GALNTL6: variants seen among roughly 807,000 people sequenced by gnomAD.
GALNTL6 encodes the protein polypeptide N-acetylgalactosaminyltransferase like 6, also known as polypeptide N-acetylgalactosaminyltransferase-like 6.
A neutral mutation model predicts 73.7 loss-of-function variants in GALNTL6; 46 were observed. That is an observed-to-expected ratio of 0.62 (90% CI 0.49 to 0.80). GALNTL6 has a LOEUF of 0.80. Ranked by LOEUF, GALNTL6 falls within the 30% of genes least tolerant of loss-of-function variation. The pLI, the probability that GALNTL6 is intolerant of heterozygous loss-of-function variation, is 0.00. For missense variants in GALNTL6, 604 were observed against 755.0 expected (o/e 0.80, Z 2.34); for synonymous variants, 259 against 263.7 (o/e 0.98, Z 0.17).
At chr4:172,212,098 T>C (rs1736341859) in intron 2 of GALNTL6, among the ~76,000 whole-genome samples, 1 of 152,216 alleles carries the variant, frequency 6.6e-6, no homozygotes, top group Non-Finnish European at 1.5e-5. Flanking sequence ...TGAGGTTGTT[T>C]GATACATTAA....
Position 172,348,526 on chromosome 4 carries a change from T to C in GALNTL6, c.390T>C (p.Cys130=), listed in dbSNP as rs769218904. The C allele has an allele frequency of 1.9e-6, 3 of 1,609,300 alleles. 1 individual carries two copies. In the South Asian group the frequency reaches 3.3e-5, roughly 18 times the overall value. ...RSLPDIRHAN[C]KHKMYLERLP... ...TTTTCTTTTCCCTCATCTCCAGCTG[T>C]AAGCATAAGATGTATCTGGAAAGGC... The change falls in exon 5 of 13, where the codon TGT becomes TGC. Residue 130 remains cysteine (C), a synonymous_variant. Transcript: ENST00000506823.
At chr4:172,848,880 G>T (rs943271376) in intron 7 of GALNTL6, among the ~76,000 whole-genome samples, 4 of 152,134 alleles carry the variant, frequency 2.6e-5, no homozygotes, top group Non-Finnish European at 5.9e-5. Flanking sequence ...AAGACTGAGA[G>T]CAGTTACCAT....
chr4:172,424,838 A>G (rs1228875839), intron 5 of GALNTL6, among the ~76,000 whole-genome samples: 2 of 152,128 alleles, frequency 1.3e-5, no homozygotes, highest in Non-Finnish European at 2.9e-5. Flanking sequence ...TACTCAAAGT[A>G]TGTGTTCAGA....
chr4:172,012,848 C>A (rs558507322), intron 2 of GALNTL6, among the ~76,000 whole-genome samples: 20 of 152,048 alleles, frequency 1.3e-4, no homozygotes, highest in African/African-American at 4.6e-4. Flanking sequence ...GTGTACAATG[C>A]GATAGTTTTG....
rs114336336 is a variant in GALNTL6 at position 172,885,422 on chromosome 4, A to T, written c.1041+2515A>T. 5.8e-3 allele frequency among the ~76,000 whole-genome samples: 878 copies of T among 152,270 alleles called. 6 individuals carry two copies. Among genetic ancestry groups the T allele is most frequent in the African/African-American group, 0.02 (823 of 41,566 alleles). ...GATTGATTTCTGTTAGTGTATAGCAACTTTATAGAATTAATTTATCAGTTC... is the reference window on the plus strand; with the variant it reads ...GATTGATTTCTGTTAGTGTATAGCATCTTTATAGAATTAATTTATCAGTTC... On this transcript the variant is annotated intron_variant, in intron 8 of 12. Coordinates refer to ENST00000506823, the MANE Select transcript of GALNTL6 (RefSeq NM_001034845.3).
intron 5 of GALNTL6, among the ~76,000 whole-genome samples, chr4:172,495,804 T>G (rs572309157): frequency 6.6e-6 from 1 of 152,322 alleles, no homozygotes; most frequent in Non-Finnish European, 1.5e-5. Flanking sequence ...GTTGCTCATC[T>G]GCAAACCACA....
intron 4 of GALNTL6, among the ~76,000 whole-genome samples, chr4:172,325,472 C>T (rs1740909880): frequency 6.6e-6 from 1 of 151,786 alleles, no homozygotes; most frequent in Admixed American, 6.6e-5. Flanking sequence ...AAATAAATAG[C>T]AATAGGTGGA....
chr4:172,439,401 C>T (rs1731748737), intron 5 of GALNTL6, among the ~76,000 whole-genome samples: 1 of 151,986 alleles, frequency 6.6e-6, no homozygotes, highest in Non-Finnish European at 1.5e-5. Flanking sequence ...CCTAGGAACA[C>T]GTTTTTCAGT....
intron 5 of GALNTL6, among the ~76,000 whole-genome samples, chr4:172,802,691 T>G (rs963693375): frequency 7.9e-5 from 12 of 152,224 alleles, no homozygotes; most frequent in African/African-American, 2.6e-4. Flanking sequence ...TAGTCCCAGC[T>G]ACTTGGGAGG....
chr4:172,183,282 C>A (rs111823091), intron 2 of GALNTL6, among the ~76,000 whole-genome samples: 1 of 152,044 alleles, frequency 6.6e-6, no homozygotes, highest in East Asian at 1.9e-4. Flanking sequence ...ATAACATTAC[C>A]GTTCCATTAT....
intron 2 of GALNTL6, among the ~76,000 whole-genome samples, chr4:172,205,581 C>T (rs1469817055): frequency 3.3e-5 from 5 of 152,206 alleles, no homozygotes; most frequent in African/African-American, 7.2e-5. Flanking sequence ...AAAAGACTCT[C>T]ATCCTTTTGT....
At chr4:171,888,881 A>T (rs1736680123) in intron 2 of GALNTL6, among the ~76,000 whole-genome samples, 1 of 152,124 alleles carries the variant, frequency 6.6e-6, no homozygotes, top group South Asian at 2.1e-4. Context: ...GAATTAAAAC[A>T]TGCCAGTGTT....
intron 2 of GALNTL6, among the ~76,000 whole-genome samples, chr4:172,156,553 A>ATATATATATATATATATATAGTG (rs1553997725): frequency 7.3e-6 from 1 of 137,610 alleles, no homozygotes; most frequent in African/African-American, 2.8e-5. Context: ...ATATATATAT[A>ATATATATATATATATATATAGTG]TATATATATA....
chr4:171,902,753 A>G (rs1442145764), intron 2 of GALNTL6, among the ~76,000 whole-genome samples: 1 of 152,210 alleles, frequency 6.6e-6, no homozygotes, highest in Non-Finnish European at 1.5e-5. Context: ...TGAAAAAGGA[A>G]AGATATGAAT....
intron 3 of GALNTL6, among the ~76,000 whole-genome samples, chr4:172,243,673 G>T (rs1400065480): frequency 6.6e-6 from 1 of 152,090 alleles, no homozygotes; most frequent in East Asian, 1.9e-4. Context: ...AACATTTAAA[G>T]GATATGCATT....
intron 2 of GALNTL6, among the ~76,000 whole-genome samples, chr4:171,991,716 G>GTA (rs781532435): frequency 0.012 from 249 of 20,884 alleles, 2 homozygotes; most frequent in Non-Finnish European, 0.024. Flanking sequence ...GATTATATGT[G>GTA]TGTGTGTGTG....
chr4:172,948,758 C>A (rs556237271), intron 9 of GALNTL6, among the ~76,000 whole-genome samples: 2 of 151,900 alleles, frequency 1.3e-5, no homozygotes, highest in African/African-American at 2.4e-5. Flanking sequence ...GCATGAGCCA[C>A]GGCACCTGGC....
chr4:171,891,798 G>A (rs76793137), intron 2 of GALNTL6, among the ~76,000 whole-genome samples: 2,168 of 152,212 alleles, frequency 0.014, 47 homozygotes, highest in African/African-American at 0.049. Context: ...GTTAAACTAC[G>A]AATACTGTTT....
At chr4:172,229,588 G>A (rs935564155) in intron 2 of GALNTL6, 68 bp from the exon 3 acceptor site, 3 of 861,410 alleles carry the variant, frequency 3.5e-6, no homozygotes, top group African/African-American at 1.7e-5. Context: ...TATGTGCCCG[G>A]CTGTGTTTAC....
Sources: gnomAD v4.1 joint callset for allele counts (sites outside exome capture counted in the v4.1 genomes callset) on GRCh38, gnomAD v4.1.1 for gene constraint, MANE v1.5 for transcripts, NCBI Gene and HGNC (gene_info 2026-07-23, HGNC 2026-07-21) for gene names.